The following CSMD1 variants were observed in gnomAD, a reference collection of about 807,000 sequenced individuals.
CSMD1 encodes CUB and sushi domain-containing protein 1.
CSMD1 carries 213 observed loss-of-function variants against 417.5 expected under a neutral mutation model. The observed-to-expected ratio is 0.51, with a 90% CI of 0.46 to 0.57. CSMD1 has a LOEUF of 0.57. CSMD1 is among the 20% of genes least tolerant of loss of function. CSMD1 has a pLI of 0.00. For synonymous variants in CSMD1, 2,862 were observed against 1,736.8 expected (o/e 1.65, Z -16.11); for missense variants, 6,923 against 4,529.7 (o/e 1.53, Z -15.17).
intron 1 of CSMD1, among the ~76,000 whole-genome samples, chr8:4,710,581 C>G (rs1333110844): frequency 6.6e-6 from 1 of 150,988 alleles, no homozygotes; most frequent in Non-Finnish European, 1.5e-5. Context: ...TGCGGTGGCT[C>G]ACGCTTGTGA....
Position 4,426,361 on chromosome 8 carries a change from T to G in CSMD1, c.303-6296A>C, listed in dbSNP as rs137957427. Reference sequence around the variant, plus strand: ...TATAGCATATAATTTTGAAAATCCTTTTTATATATTTTGTATGTAGTATAT... The same window carrying G: ...TATAGCATATAATTTTGAAAATCCTGTTTATATATTTTGTATGTAGTATAT... On this transcript the variant is annotated intron_variant, in intron 2 of 69. Transcript: ENST00000635120. Among the ~76,000 whole-genome samples the G allele has an allele frequency of 3.6e-3, 546 of 150,310 alleles. 3 individuals carry two copies. The highest frequency in any genetic ancestry group is 0.013 in the African/African-American group (518 of 41,250).
chr8:4,398,385 C>CTTTTTTTTTTTTTTTTTTTTTTTTTT lies in CSMD1; in HGVS notation c.415+21567_415+21568insAAAAAAAAAAAAAAAAAAAAAAAAAA, dbSNP rs1317009143. Among the ~76,000 whole-genome samples the CTTTTTTTTTTTTTTTTTTTTTTTTTT allele has an allele frequency of 4.2e-5, 5 of 118,134 alleles. 2 individuals carry two copies. Among genetic ancestry groups the CTTTTTTTTTTTTTTTTTTTTTTTTTT allele is most frequent in the Non-Finnish European group, 3.4e-5 (2 of 59,030 alleles). 77.5% of individuals were successfully genotyped at this position (118,134 alleles called of 152,430 possible). ...CTCTTTTTAAATTGTCTTGCTGCAA[C>CTTTTTTTTTTTTTTTTTTTTTTTTTT]TTCTTTTTTTTTTTTTTTTTTTTGT... On this transcript the variant is annotated intron_variant, in intron 3 of 69. Coordinates refer to ENST00000635120, the MANE Select transcript of CSMD1 (RefSeq NM_033225.6).
intron 54 of CSMD1, among the ~76,000 whole-genome samples, chr8:2,980,124 G>A (rs1313936739): frequency 6.6e-6 from 1 of 152,166 alleles, no homozygotes; most frequent in African/African-American, 2.4e-5. Context: ...ATATTTTTGT[G>A]TTTATGTTTG....
intron 3 of CSMD1, among the ~76,000 whole-genome samples, chr8:4,387,542 G>T (rs1255546076): frequency 1.5e-5 from 1 of 65,388 alleles, no homozygotes; most frequent in Non-Finnish European, 3.2e-5. Flanking sequence ...TTTACAACAC[G>T]CAGAAGAGAT....
intron 49 of CSMD1, among the ~76,000 whole-genome samples, chr8:3,062,676 AG>A (rs368067924): frequency 2.1e-3 from 319 of 152,274 alleles, no homozygotes; most frequent in African/African-American, 6.9e-3. Flanking sequence ...AACCCAAGGA[AG>A]AAAAAAAAGC....
chr8:4,784,570 T>G (rs1382685523), intron 1 of CSMD1, among the ~76,000 whole-genome samples: 3 of 152,226 alleles, frequency 2.0e-5, no homozygotes, highest in African/African-American at 7.2e-5. Flanking sequence ...CTGACACAAT[T>G]TGTTTCCTTT....
chr8:4,450,435 G>A (rs745995581), intron 2 of CSMD1, among the ~76,000 whole-genome samples: 3 of 152,054 alleles, frequency 2.0e-5, no homozygotes, highest in African/African-American at 7.2e-5. Context: ...AGACCATCTT[G>A]GCCAACAGGG....
At chr8:4,171,567 G>C (rs977430023) in intron 3 of CSMD1, among the ~76,000 whole-genome samples, 8 of 151,764 alleles carry the variant, frequency 5.3e-5, no homozygotes, top group African/African-American at 1.5e-4. Context: ...GATATGGAGT[G>C]ATACGTTGCC....
chr8:4,445,436 T>C (rs997606973), intron 2 of CSMD1, among the ~76,000 whole-genome samples: 5 of 152,216 alleles, frequency 3.3e-5, no homozygotes, highest in African/African-American at 7.2e-5. Flanking sequence ...TACCAAATCG[T>C]CTTTCAAAAT....
At chr8:4,686,466 C>A (rs1229899156) in intron 1 of CSMD1, among the ~76,000 whole-genome samples, 1 of 152,334 alleles carries the variant, frequency 6.6e-6, no homozygotes, top group African/African-American at 2.4e-5. Context: ...GAGAGGGGGC[C>A]TCCCCATACC....
intron 20 of CSMD1, among the ~76,000 whole-genome samples, chr8:3,365,141 G>A (rs1267085333): frequency 6.6e-6 from 1 of 151,996 alleles, no homozygotes; most frequent in South Asian, 2.1e-4. Flanking sequence ...AGAGAGAGAG[G>A]GATTTAGGAA....
chr8:3,753,026 G>A (rs1056488797), intron 6 of CSMD1, among the ~76,000 whole-genome samples: 6 of 152,320 alleles, frequency 3.9e-5, no homozygotes, highest in Admixed American at 1.3e-4. Flanking sequence ...TTTACAAACT[G>A]CAAACTGTCT....
intron 10 of CSMD1, among the ~76,000 whole-genome samples, chr8:3,544,719 G>A (rs1191726484): frequency 6.6e-6 from 1 of 152,102 alleles, no homozygotes. Context: ...ACTAGACGGG[G>A]TTCAGGGAGA....
chr8:4,505,863 C>T (rs193260552), intron 2 of CSMD1, among the ~76,000 whole-genome samples: 28 of 151,852 alleles, frequency 1.8e-4, no homozygotes, highest in East Asian at 3.9e-4. Flanking sequence ...TACAGTGGCG[C>T]GATCTCATCT....
At chr8:4,223,138 G>C (rs1801140200) in intron 3 of CSMD1, among the ~76,000 whole-genome samples, 1 of 151,970 alleles carries the variant, frequency 6.6e-6, no homozygotes, top group African/African-American at 2.4e-5. Flanking sequence ...TAAGACCTTG[G>C]GGAAAGGAGG....
chr8:4,865,571 C>T (rs972657524), intron 1 of CSMD1, among the ~76,000 whole-genome samples: 1 of 151,928 alleles, frequency 6.6e-6, no homozygotes, highest in Non-Finnish European at 1.5e-5. Context: ...ACATGGAATG[C>T]AATGATTCCA....
chr8:3,347,370 T>A (rs549839555), intron 22 of CSMD1, among the ~76,000 whole-genome samples: 1 of 152,196 alleles, frequency 6.6e-6, no homozygotes, highest in Non-Finnish European at 1.5e-5. Context: ...TAGTTGGAGC[T>A]GGGATTTTGT....
chr8:3,801,743 T>C (rs542925803), intron 5 of CSMD1, among the ~76,000 whole-genome samples: 1 of 152,244 alleles, frequency 6.6e-6, no homozygotes, highest in East Asian at 1.9e-4. Flanking sequence ...AACTGATGAC[T>C]CTGGACAAAC....
chr8:3,767,421 T>C (rs1023290202), intron 5 of CSMD1, among the ~76,000 whole-genome samples: 1 of 152,176 alleles, frequency 6.6e-6, no homozygotes, highest in Non-Finnish European at 1.5e-5. Flanking sequence ...GAATTGTTCA[T>C]TGTGTGAATA....
Sources: allele counts gnomAD v4.1 joint callset (sites outside exome capture counted in the v4.1 genomes callset), GRCh38; gene constraint gnomAD v4.1.1; transcripts MANE v1.5; gene names NCBI Gene and HGNC (gene_info 2026-07-23, HGNC 2026-07-21).